Variants in OR7A10 observed in about 807,000 individuals in gnomAD.
OR7A10 encodes the protein olfactory receptor family 7 subfamily A member 10, also known as olfactory receptor 7A10.
For synonymous variants in OR7A10, 144 were observed against 144.5 expected, an observed-to-expected ratio of 1.00 and a Z score of 0.02; for missense variants, 358 against 370.1, an observed-to-expected ratio of 0.97 and a Z score of 0.27.
intron 1 of OR7A10, 27 bp from the exon 2 acceptor site, chr19:14,841,916 G>C (rs1002181515): frequency 2.1e-6 from 3 of 1,411,376 alleles, no homozygotes; most frequent in Non-Finnish European, 2.9e-6. Flanking sequence ...GAGAGAGAGA[G>C]AGAGAGTGAA....
chr19:14,845,163 C>A (rs2044936330), intron 1 of OR7A10, among the ~76,000 whole-genome samples: 1 of 151,968 alleles, frequency 6.6e-6, no homozygotes, highest in African/African-American at 2.4e-5. Flanking sequence ...GCTCTTCTCA[C>A]CCCTAGTCTC....
chr19:14,847,572 G>A (rs1216247465), intron 1 of OR7A10, among the ~76,000 whole-genome samples: 1 of 151,892 alleles, frequency 6.6e-6, no homozygotes, highest in Admixed American at 6.6e-5. Flanking sequence ...GTGCAGTGGC[G>A]CGATCTCGGC....
At chr19:14,842,188 G>T (rs73506450) in intron 1 of OR7A10, among the ~76,000 whole-genome samples, 1 of 152,144 alleles carries the variant, frequency 6.6e-6, no homozygotes, top group East Asian at 1.9e-4. Context: ...ACCATAGTAC[G>T]TAATAGGTGT....
At chr19:14,846,277 G>A (rs769293173) in intron 1 of OR7A10, among the ~76,000 whole-genome samples, 5 of 152,110 alleles carry the variant, frequency 3.3e-5, no homozygotes, top group Non-Finnish European at 7.4e-5. Context: ...TTTTGTCTAC[G>A]TGTTTGTATA....
In OR7A10 at chr19:14,841,687, G is replaced by T; in HGVS notation, c.191C>A (p.Ser64Tyr). 6.2e-7 allele frequency: 1 copy of T among 1,614,162 alleles called. No individual in the cohort carries two copies. The highest frequency in any genetic ancestry group is 8.5e-7 in the Non-Finnish European group (1 of 1,180,034). ...ACAGATGTCTACGAAGGACAGGTTGGAGAGGAAGAAGTACATGGGGGTGTG... is the reference window on the plus strand; with the variant it reads ...ACAGATGTCTACGAAGGACAGGTTGTAGAGGAAGAAGTACATGGGGGTGTG... ...HLHTPMYFFLSNLSFVDICFV... is the reference protein window; with the variant it reads ...HLHTPMYFFLYNLSFVDICFV... The change falls in exon 2 of 2, where the codon TCC (serine) becomes TAC (tyrosine). Residue 64 changes from serine (S) to tyrosine (Y), a missense_variant. By Grantham distance (144) the Ser-to-Tyr change is moderately radical. Transcript: ENST00000641129.
intron 1 of OR7A10, among the ~76,000 whole-genome samples, chr19:14,844,132 A>C (rs1393050134): frequency 6.6e-6 from 1 of 152,240 alleles, no homozygotes; most frequent in Non-Finnish European, 1.5e-5. Context: ...AAATACAAGT[A>C]AATTTGTAAA....
At chr19:14,844,667 T>TTTTGTTTTTTTTG (rs1362483538) in intron 1 of OR7A10, among the ~76,000 whole-genome samples, 1 of 133,256 alleles carries the variant, frequency 7.5e-6, no homozygotes, top group Admixed American at 8.0e-5. Flanking sequence ...GTTCTGTGTT[T>TTTTGTTTTTTTTG]TTTTTTTTTT....
intron 1 of OR7A10, among the ~76,000 whole-genome samples, chr19:14,843,301 T>G (rs2044924599): frequency 6.6e-6 from 1 of 152,204 alleles, no homozygotes; most frequent in Non-Finnish European, 1.5e-5. Flanking sequence ...AAACATGATG[T>G]GTTGAAGTAC....
At chr19:14,845,921 C>T (rs955344831) in intron 1 of OR7A10, among the ~76,000 whole-genome samples, 5 of 152,114 alleles carry the variant, frequency 3.3e-5, no homozygotes, top group South Asian at 4.2e-4. Context: ...TGTGGGAGGC[C>T]GAAGCGAGCG....
intron 1 of OR7A10, among the ~76,000 whole-genome samples, chr19:14,845,098 C>CACACACAA (rs1053067877): frequency 1.3e-5 from 2 of 151,080 alleles, no homozygotes; most frequent in African/African-American, 4.9e-5. Context: ...CACACACACA[C>CACACACAA]AATGCATACA....
At chr19:14,845,968 C>G (rs1231478136) in intron 1 of OR7A10, among the ~76,000 whole-genome samples, 1 of 152,154 alleles carries the variant, frequency 6.6e-6, no homozygotes, top group Non-Finnish European at 1.5e-5. Flanking sequence ...GCCTGACCAA[C>G]ACGGTGAAAC....
chr19:14,845,342 G>T (rs1474758314), intron 1 of OR7A10, among the ~76,000 whole-genome samples: 1 of 152,048 alleles, frequency 6.6e-6, no homozygotes, highest in Non-Finnish European at 1.5e-5. Flanking sequence ...GGGCGTGGTG[G>T]TGGGCGCCTG....
Position 14,841,350 on chromosome 19 carries a change from ATG to A in OR7A10, c.526_527del (p.His176PhefsTer4), listed in dbSNP as rs775549031. ...CCACCTGATTAATTTCACAGAAAAA[ATG>A]AGGGATTTCCATGTGTGTACAAAAG... ...LPFCTHMEIPHFFCEINQVVH... is the reference protein window; with the variant it reads ...LPFCTHMEIPXFFCEINQVVH... On this transcript the variant is annotated frameshift_variant, in exon 2 of 2. Transcript: ENST00000641129. LOFTEE classifies it low-confidence loss of function (END_TRUNC). The A allele has an allele frequency of 1.2e-5, 19 of 1,614,196 alleles. No homozygotes were observed. The highest frequency in any genetic ancestry group is 1.6e-5 in the Non-Finnish European group (19 of 1,180,032).
intron 1 of OR7A10, 135 bp from the exon 2 acceptor site, chr19:14,842,024 T>C: frequency 1.6e-6 from 1 of 619,396 alleles, no homozygotes; most frequent in Non-Finnish European, 2.8e-6. Context: ...AAAATTATTT[T>C]TAAGTTGACA....
chr19:14,843,397 C>T (rs2044925072), intron 1 of OR7A10, among the ~76,000 whole-genome samples: 1 of 152,204 alleles, frequency 6.6e-6, no homozygotes, highest in Admixed American at 6.5e-5. Context: ...GAACACTTGA[C>T]ATTCACCCTT....
At position 14,840,759 on chromosome 19, in the gene OR7A10, A is replaced by C; in HGVS notation, c.*189T>G. 1 of 481,422 alleles carries C rather than the reference A, an allele frequency of 2.1e-6. No homozygotes were observed. The allele number at this position is 481,422 out of a possible 1,614,324, so 29.8% of individuals were successfully genotyped here. Reference sequence around the variant, plus strand: ...TTGAAAATTATATTCCGTCATATTTAAGGTCATCTCTGACTCTAAGAAGAA... The same window carrying C: ...TTGAAAATTATATTCCGTCATATTTCAGGTCATCTCTGACTCTAAGAAGAA... On this transcript the variant is annotated 3_prime_UTR_variant, in exon 2 of 2. Transcript: ENST00000641129.
chr19:14,846,876 GTGAAAAGAAGT>G (rs548172196), intron 1 of OR7A10, among the ~76,000 whole-genome samples: 173 of 152,222 alleles, frequency 1.1e-3, no homozygotes, highest in African/African-American at 4.0e-3. Flanking sequence ...TGACAGAGAT[GTGAAAAGAAGT>G]TGGAAATTTA....
At position 14,848,767 on chromosome 19, in the gene OR7A10, C is replaced by T. The variant is rs2044955798; in HGVS notation, c.-280G>A. On this transcript the variant is annotated 5_prime_UTR_variant, in exon 1 of 2. Coordinates refer to ENST00000641129, the MANE Select transcript of OR7A10 (RefSeq NM_001005190.2). ...GGAGACATTTCCTCCTGTTATTCAACCCCTGATCACATTCAGTCCCTGTGG... is the reference window on the plus strand; with the variant it reads ...GGAGACATTTCCTCCTGTTATTCAATCCCTGATCACATTCAGTCCCTGTGG... 1 of 152,226 alleles carries T rather than the reference C, an allele frequency of 6.6e-6. No homozygotes were observed. Among genetic ancestry groups the T allele is most frequent in the Non-Finnish European group, 1.5e-5 (1 of 68,048 alleles). 9.4% of individuals were successfully genotyped at this position (152,226 alleles called of 1,614,324 possible). A position where few individuals can be genotyped will look rare whatever the true frequency, so the allele number is the denominator to read the frequency against.
intron 1 of OR7A10, among the ~76,000 whole-genome samples, chr19:14,843,726 A>G (rs1410540660): frequency 3.9e-5 from 6 of 152,200 alleles, no homozygotes; most frequent in Non-Finnish European, 2.9e-5. Context: ...TATCAAGTGA[A>G]TTTCGACATG....
Sources: allele counts gnomAD v4.1 joint callset (sites outside exome capture counted in the v4.1 genomes callset), GRCh38; gene constraint gnomAD v4.1.1; transcripts MANE v1.5; gene names NCBI Gene and HGNC (gene_info 2026-07-23, HGNC 2026-07-21).